The following SHC3 variants were observed in gnomAD, a reference collection of about 807,000 sequenced individuals.
SHC3 encodes the protein SHC adaptor protein 3, also known as SHC-transforming protein 3.
A neutral mutation model predicts 60.4 loss-of-function variants in SHC3; 15 were observed. That is an observed-to-expected ratio of 0.25 (90% confidence interval 0.17 to 0.38). SHC3 has a LOEUF of 0.38. SHC3 is among the 10% of genes least tolerant of loss of function. The probability of loss-of-function intolerance (pLI) is 1.00; values close to 1 mark genes in which losing one functional copy is unlikely to be tolerated. For missense variants in SHC3, 677 were observed against 786.1 expected, an observed-to-expected ratio of 0.86 and a Z score of 1.66; for synonymous variants, 294 against 325.9, an observed-to-expected ratio of 0.90 and a Z score of 1.05.
chr9:89,045,674 G>T, intron 9 of SHC3, 72 bp downstream of exon 9: 1 of 1,389,950 alleles, frequency 7.2e-7, no homozygotes, highest in East Asian at 2.3e-5. Flanking sequence ...GAAAATAGGC[G>T]ACCCAGTGGT....
At chr9:89,053,332 G>T (rs1171355878) in intron 6 of SHC3, among the ~76,000 whole-genome samples, 1 of 152,226 alleles carries the variant, frequency 6.6e-6, no homozygotes, top group African/African-American at 2.4e-5. Context: ...CCCAGCCCTG[G>T]CAGTGATTAG....
chr9:89,087,853 A>G (rs1175734829), intron 2 of SHC3, among the ~76,000 whole-genome samples: 1 of 152,220 alleles, frequency 6.6e-6, no homozygotes, highest in African/African-American at 2.4e-5. Context: ...TAAGATGAGA[A>G]CAGAGACCTT....
rs771760865 is a variant in SHC3, at chr9:89,178,206, C to T, written c.255G>A (p.Ser85=). Residue 85 remains serine, a synonymous_variant, in exon 1 of 12, where the codon TCG becomes TCA. Transcript: ENST00000375835. The surrounding 1 kb of genome is among the most constrained non-coding windows in gnomAD (Gnocchi z 6.9). The stretch of plus-strand genomic sequence containing the variant: ...CGCCCGCCCGCTCCCGGGCGGCCGA[C>T]GACAGGCCGCGGAGGCCCGAGCTGG... The part of the protein sequence containing the change: ...KLSSSGLRGL[S]SAARERAGAR... 6 of 1,421,562 alleles carry T rather than the reference C, an allele frequency of 4.2e-6. No individual in the cohort carries two copies. Among genetic ancestry groups the T allele is most frequent in the South Asian group, 1.5e-5 (1 of 67,492 alleles). The allele number at this position is 1,421,562 out of a possible 1,614,324, so 88.1% of individuals were successfully genotyped here. A position where few individuals can be genotyped will look rare whatever the true frequency, so the allele number is the denominator to read the frequency against.
chr9:89,043,509 C>T (rs1587691719), intron 9 of SHC3, among the ~76,000 whole-genome samples: 1 of 152,292 alleles, frequency 6.6e-6, no homozygotes, highest in South Asian at 2.1e-4. Flanking sequence ...CCCTTTCCCA[C>T]CATAGATGAC....
intron 2 of SHC3, among the ~76,000 whole-genome samples, chr9:89,095,634 A>C (rs1256560297): frequency 6.6e-6 from 1 of 152,176 alleles, no homozygotes; most frequent in East Asian, 1.9e-4. Context: ...ACTTAAAAAT[A>C]AGTAGCAACT....
At position 89,062,341 on chromosome 9, in the gene SHC3, A is replaced by G. The variant is rs148666125; in HGVS notation, c.835+3188T>C. On this transcript the variant is annotated intron_variant, in intron 6 of 11. Coordinates refer to ENST00000375835, the MANE Select transcript of SHC3 (RefSeq NM_016848.6). ...CCTGACTTTTAGCTATAATTTATCA[A>G]CCTTGTGAGACATGGCTCATTTTCC... 1.4e-3 allele frequency among the ~76,000 whole-genome samples: 220 copies of G among 152,282 alleles called. 2 individuals are homozygous for G. Among genetic ancestry groups the G allele is most frequent in the Non-Finnish European group, 2.4e-3 (162 of 68,016 alleles).
intron 6 of SHC3, among the ~76,000 whole-genome samples, chr9:89,060,808 CA>C (rs1489324239): frequency 1.3e-5 from 2 of 151,872 alleles, no homozygotes; most frequent in Non-Finnish European, 2.9e-5. Context: ...TGGAGCCTGT[CA>C]GGGGGCAGCA....
intron 2 of SHC3, among the ~76,000 whole-genome samples, chr9:89,108,536 T>C (rs1825898669): frequency 6.7e-6 from 1 of 149,680 alleles, no homozygotes; most frequent in African/African-American, 2.4e-5. Flanking sequence ...AAAATGCATA[T>C]ACATACACAC....
At chr9:89,067,131 T>C (rs1225303339) in intron 5 of SHC3, among the ~76,000 whole-genome samples, 1 of 152,220 alleles carries the variant, frequency 6.6e-6, no homozygotes, top group Non-Finnish European at 1.5e-5. Context: ...TGAAAGATCG[T>C]CCACCTGGTC....
intron 6 of SHC3, among the ~76,000 whole-genome samples, chr9:89,057,506 G>C (rs536611825): frequency 2.6e-5 from 4 of 151,914 alleles, no homozygotes; most frequent in Non-Finnish European, 5.9e-5. Context: ...TGAATAAAAG[G>C]AGACTTCATA....
chr9:89,173,516 C>A (rs1362706197), intron 1 of SHC3, among the ~76,000 whole-genome samples: 1 of 152,246 alleles, frequency 6.6e-6, no homozygotes, highest in Admixed American at 6.5e-5. Flanking sequence ...TTTTCTTAAA[C>A]ATGAATATAA....
chr9:89,170,510 G>A (rs571928398), intron 1 of SHC3, among the ~76,000 whole-genome samples: 1 of 152,134 alleles, frequency 6.6e-6, no homozygotes, highest in African/African-American at 2.4e-5. Context: ...GCCAAGCATG[G>A]TGGTGTGTGC....
chr9:89,151,315 G>C (rs1826543148), intron 1 of SHC3, among the ~76,000 whole-genome samples: 1 of 152,170 alleles, frequency 6.6e-6, no homozygotes, highest in African/African-American at 2.4e-5. Flanking sequence ...TTCATACATT[G>C]AGACCTGCTG....
At position 89,011,307 on chromosome 9, in the gene SHC3, C is replaced by G. The variant is rs1826011004; in HGVS notation, c.*2140G>C. On this transcript the variant is annotated 3_prime_UTR_variant, in exon 12 of 12. Coordinates refer to ENST00000375835, the MANE Select transcript of SHC3 (RefSeq NM_016848.6). ...TAAAGCTGCAGGTTACCATTCAAGT[C>G]CCCCCAAGAGAAAAATAAAGTAAAT... The G allele has an allele frequency of 6.6e-6, 1 of 152,174 alleles. No homozygotes were observed. The highest frequency in any genetic ancestry group is 2.1e-4 in the South Asian group (1 of 4,820). The allele number at this position is 152,174 out of a possible 1,614,324, so 9.4% of individuals were successfully genotyped here. A position where few individuals can be genotyped will look rare whatever the true frequency, so the allele number is the denominator to read the frequency against.
chr9:89,161,400 T>A (rs1035491183), intron 1 of SHC3, among the ~76,000 whole-genome samples: 1 of 152,162 alleles, frequency 6.6e-6, no homozygotes, highest in Admixed American at 6.5e-5. Flanking sequence ...GCTTAGCAGA[T>A]CTCAACATCA....
At chr9:89,016,970 A>AT (rs1455056216) in intron 11 of SHC3, among the ~76,000 whole-genome samples, 1 of 152,130 alleles carries the variant, frequency 6.6e-6, no homozygotes, top group African/African-American at 2.4e-5. Flanking sequence ...TTACCAAGAG[A>AT]TTTTTTCTTT....
intron 1 of SHC3, among the ~76,000 whole-genome samples, chr9:89,164,444 G>C (rs1209255403): frequency 6.6e-6 from 1 of 152,146 alleles, no homozygotes; most frequent in Non-Finnish European, 1.5e-5. Context: ...AGTGCAACTG[G>C]TTTGGGAGAA....
At chr9:89,018,924 T>A (rs1826149581) in intron 11 of SHC3, among the ~76,000 whole-genome samples, 1 of 151,726 alleles carries the variant, frequency 6.6e-6, no homozygotes, top group African/African-American at 2.4e-5. Flanking sequence ...CCGGACGTCA[T>A]GGTGGGTACC....
intron 8 of SHC3, among the ~76,000 whole-genome samples, chr9:89,046,357 T>C (rs1308700736): frequency 6.6e-6 from 1 of 152,104 alleles, no homozygotes; most frequent in Non-Finnish European, 1.5e-5. Context: ...TTAAAAAATT[T>C]CCTATAACAA....
Sources: gnomAD v4.1 joint callset for allele counts (sites outside exome capture counted in the v4.1 genomes callset) on GRCh38, gnomAD v4.1.1 for gene constraint, Gnocchi (gnomAD v3.1) non-coding constraint, MANE v1.5 for transcripts, NCBI Gene and HGNC (gene_info 2026-07-23, HGNC 2026-07-21) for gene names.